Variants in PTPRD observed in about 807,000 individuals in gnomAD.
PTPRD encodes the protein receptor-type tyrosine-protein phosphatase delta.
PTPRD carries 34 observed loss-of-function variants against 214.5 expected under a neutral mutation model. The observed-to-expected ratio is 0.16, with a 90% CI of 0.12 to 0.21. The LOEUF (loss-of-function observed/expected upper bound fraction) is 0.21, where lower values mean the gene tolerates loss of function less well. Among genes scored for constraint, PTPRD ranks in the 10% least tolerant of loss-of-function variants. The pLI, the probability that PTPRD is intolerant of heterozygous loss-of-function variation, is 1.00. For missense variants in PTPRD, 2,545 were observed against 2,398.7 expected (o/e 1.06, Z -1.27); for synonymous variants, 1,128 against 845.7 (o/e 1.33, Z -5.79).
chr9:10,116,698 G>C (rs1369823850), intron 3 of PTPRD, among the ~76,000 whole-genome samples: 1 of 152,060 alleles, frequency 6.6e-6, no homozygotes, highest in Non-Finnish European at 1.5e-5. Flanking sequence ...CAGGAGTCAG[G>C]TCATGTCACT....
chr9:10,483,906 T>G (rs1050921555), intron 2 of PTPRD, among the ~76,000 whole-genome samples: 1 of 152,168 alleles, frequency 6.6e-6, no homozygotes, highest in African/African-American at 2.4e-5. Flanking sequence ...ACCATTCAAC[T>G]GAGCAAACCC....
chr9:9,297,339 A>G (rs1055341720), intron 9 of PTPRD, among the ~76,000 whole-genome samples: 1 of 151,682 alleles, frequency 6.6e-6, no homozygotes, highest in South Asian at 2.1e-4. Context: ...TGGGTCTTGC[A>G]AACATAATGA....
chr9:10,170,982 A>G (rs771986227), intron 3 of PTPRD, among the ~76,000 whole-genome samples: 12 of 152,180 alleles, frequency 7.9e-5, no homozygotes, highest in Non-Finnish European at 1.6e-4. Context: ...ACTAAGATGC[A>G]ATCATTACTT....
rs149942462 is a variant in PTPRD, at chr9:8,959,106, G to C, written c.-104+59591C>G. 2.0e-3 allele frequency among the ~76,000 whole-genome samples: 309 copies of C among 152,032 alleles called. 1 individual carries two copies. The highest frequency in any genetic ancestry group is 6.4e-3 in the African/African-American group (266 of 41,498). Reference sequence around the variant, plus strand: ...TTTCATATTATCTTATTGTGACAATGGCTATTGACACAACACTGGCTTTAA... The same window carrying C: ...TTTCATATTATCTTATTGTGACAATCGCTATTGACACAACACTGGCTTTAA... On this transcript the variant is annotated intron_variant, in intron 11 of 45. Coordinates refer to ENST00000381196, the MANE Select transcript of PTPRD (RefSeq NM_002839.4).
chr9:9,567,960 T>C (rs1234750552), intron 8 of PTPRD, among the ~76,000 whole-genome samples: 1 of 151,844 alleles, frequency 6.6e-6, no homozygotes, highest in East Asian at 1.9e-4. Context: ...TTTTTTTTTC[T>C]ACTGGGTATC....
intron 7 of PTPRD, among the ~76,000 whole-genome samples, chr9:9,627,219 A>T (rs1056068790): frequency 1.3e-5 from 2 of 152,148 alleles, no homozygotes; most frequent in African/African-American, 4.8e-5. Flanking sequence ...AAGCAGGAGA[A>T]TCGCTTGAAT....
rs550672143 is a variant in PTPRD at position 9,908,371 on chromosome 9, C to T, written c.-368+30136G>A. Among the ~76,000 whole-genome samples, 19 of 152,012 alleles carry T rather than the reference C, an allele frequency of 1.2e-4. No individual in the cohort carries two copies. In the East Asian group the frequency reaches 2.9e-3, roughly 23 times the overall value. On this transcript the variant is annotated intron_variant, in intron 5 of 45. Transcript: ENST00000381196. ...GGGCATTTCAACTGGAACATGTGAA[C>T]AGGTGGGAAGGGGTCTCTCCAGCCT...
chr9:8,692,277 T>C (rs1479945331), intron 12 of PTPRD, among the ~76,000 whole-genome samples: 1 of 152,244 alleles, frequency 6.6e-6, no homozygotes, highest in Non-Finnish European at 1.5e-5. Context: ...GTTTCATTCA[T>C]GTCACAATTT....
chr9:10,453,299 G>A (rs1053023494), intron 2 of PTPRD, among the ~76,000 whole-genome samples: 2 of 151,498 alleles, frequency 1.3e-5, no homozygotes, highest in Non-Finnish European at 3.0e-5. Flanking sequence ...GACTATTCAT[G>A]AGATTTTGTG....
At chr9:10,537,472 G>T (rs538400079) in intron 2 of PTPRD, among the ~76,000 whole-genome samples, 2 of 152,108 alleles carry the variant, frequency 1.3e-5, no homozygotes, top group Admixed American at 6.6e-5. Flanking sequence ...AAATAGCTAT[G>T]TAAAAATTGG....
intron 3 of PTPRD, among the ~76,000 whole-genome samples, chr9:10,226,009 A>G (rs761863914): frequency 6.6e-6 from 1 of 152,032 alleles, no homozygotes; most frequent in Non-Finnish European, 1.5e-5. Context: ...ACTGCAGTTT[A>G]AGGTTTGCAT....
chr9:10,047,312 C>CGTGTGTGTG lies in PTPRD; in HGVS notation c.-544-13523_-544-13522insCACACACAC, dbSNP rs1316571345. Reference sequence around the variant, plus strand: ...GTAAAATGAAGATAAAATCAACTAACTGTGTGTGTGTGTGTGTGTGTGTGT... The same window carrying CGTGTGTGTG: ...GTAAAATGAAGATAAAATCAACTAACGTGTGTGTGTGTGTGTGTGTGTGTGTGTGTGTGT... On this transcript the variant is annotated intron_variant, in intron 3 of 45. Transcript: ENST00000381196. 8.5e-3 allele frequency among the ~76,000 whole-genome samples: 1,173 copies of CGTGTGTGTG among 138,798 alleles called. 15 individuals are homozygous for CGTGTGTGTG. The highest frequency in any genetic ancestry group is 0.021 in the African/African-American group (779 of 36,966). The allele number at this position is 138,798 out of a possible 152,430, so 91.1% of individuals were successfully genotyped here.
chr9:10,533,840 T>A (rs993037038), intron 2 of PTPRD, among the ~76,000 whole-genome samples: 2 of 151,844 alleles, frequency 1.3e-5, no homozygotes, highest in Non-Finnish European at 2.9e-5. Flanking sequence ...TAGTGACCTA[T>A]TTTATAATAA....
chr9:10,550,507 A>G (rs1022752602), intron 2 of PTPRD, among the ~76,000 whole-genome samples: 1 of 152,180 alleles, frequency 6.6e-6, no homozygotes. Flanking sequence ...GCAAATGGAA[A>G]TCAATCTTTT....
intron 2 of PTPRD, among the ~76,000 whole-genome samples, chr9:10,406,978 G>A (rs1463798575): frequency 1.3e-5 from 2 of 151,406 alleles, no homozygotes; most frequent in African/African-American, 4.8e-5. Flanking sequence ...AATGGGCAAT[G>A]TTCAATTATT....
At chr9:9,230,246 T>C (rs1400473877) in intron 9 of PTPRD, among the ~76,000 whole-genome samples, 2 of 152,074 alleles carry the variant, frequency 1.3e-5, no homozygotes, top group Non-Finnish European at 2.9e-5. Context: ...ATGATTAGAA[T>C]GATTCTAAAG....
In PTPRD at chr9:10,482,096, G is replaced by T. The variant is rs188169828; in HGVS notation, c.-600+130302C>A. On this transcript the variant is annotated intron_variant, in intron 2 of 45. Transcript: ENST00000381196. ...GATAAAAAAAACAAATGTTGGCCGG[G>T]CGCGGTGGCTCACGCCTGTAATCCC... 1.1e-4 allele frequency among the ~76,000 whole-genome samples: 17 copies of T among 152,308 alleles called. No individual in the cohort carries two copies. In the South Asian group the frequency reaches 3.1e-3, roughly 28 times the overall value.
At chr9:9,306,920 C>T (rs1957330366) in intron 9 of PTPRD, among the ~76,000 whole-genome samples, 1 of 152,078 alleles carries the variant, frequency 6.6e-6, no homozygotes, top group Non-Finnish European at 1.5e-5. Flanking sequence ...GAGATTAATG[C>T]TTAAGAAACT....
chr9:8,589,396 CAATT>C (rs991877180), intron 14 of PTPRD, among the ~76,000 whole-genome samples: 4 of 152,158 alleles, frequency 2.6e-5, no homozygotes, highest in East Asian at 1.9e-4. Context: ...AAATCATAAA[CAATT>C]AAGCATAATC....
Sources: gnomAD v4.1 joint callset for allele counts (sites outside exome capture counted in the v4.1 genomes callset) on GRCh38, gnomAD v4.1.1 for gene constraint, MANE v1.5 for transcripts, NCBI Gene and HGNC (gene_info 2026-07-23, HGNC 2026-07-21) for gene names.